ALDH16A1: variants seen among roughly 807,000 people sequenced by gnomAD.
The protein encoded by ALDH16A1 is aldehyde dehydrogenase family 16 member A1.
ALDH16A1 carries 88 observed loss-of-function variants against 96.1 expected under a neutral mutation model. The ratio of observed to expected loss-of-function variants is 0.92; its 90% CI spans 0.77 to 1.09. The LOEUF (loss-of-function observed/expected upper bound fraction) is 1.09. Ranked by LOEUF, ALDH16A1 falls within the 50% of genes least tolerant of loss-of-function variation. The pLI is 0.00. For missense variants in ALDH16A1, 1,250 were observed against 1,112.6 expected (o/e 1.12, Z -1.76); for synonymous variants, 522 against 496.4 (o/e 1.05, Z -0.69).
At position 49,462,699 on chromosome 19, in the gene ALDH16A1, G is replaced by A. The variant is rs10406757; in HGVS notation, c.1042G>A (p.Ala348Thr). 8,995 of 1,607,310 alleles carry A rather than the reference G, an allele frequency of 5.6e-3. 425 individuals are homozygous for A. The African/African-American group carries it at 0.1, about 18-fold the overall frequency. Residue 348 changes from alanine (A) to threonine (T), a missense_variant, in exon 8 of 17, where the codon GCC (alanine) becomes ACC (threonine). Ala to Thr is a moderately conservative substitution (Grantham distance 58). Transcript: ENST00000293350. ...GAVDMGARGAAACDLVQRFVR... is the reference protein window; with the variant it reads ...GAVDMGARGATACDLVQRFVR... Reference sequence around the variant, plus strand: ...CGTGGACATGGGGGCCCGGGGGGCTGCCGCATGTGACCTGGTCCAGCGCTT... The same window carrying A: ...CGTGGACATGGGGGCCCGGGGGGCTACCGCATGTGACCTGGTCCAGCGCTT...
At chr19:49,458,805 C>G (rs1357562817) in intron 2 of ALDH16A1, among the ~76,000 whole-genome samples, 155 bp from the exon 3 acceptor site, 1 of 152,214 alleles carries the variant, frequency 6.6e-6, no homozygotes, top group African/African-American at 2.4e-5. Flanking sequence ...GTTAAAATAG[C>G]TTCCTTGCCC....
Position 49,462,378 on chromosome 19 carries a change from G to A in ALDH16A1, c.913-192G>A, listed in dbSNP as rs143051326. 7.4e-3 allele frequency among the ~76,000 whole-genome samples: 1,130 copies of A among 152,208 alleles called. 11 individuals carry two copies. Among genetic ancestry groups the A allele is most frequent in the African/African-American group, 0.025 (1,058 of 41,524 alleles). ...TCGAACTCCTGACCTCAGGTGATCC[G>A]CCCACCTCGGCCTCCCAAAGTGCTG... is the stretch of plus-strand genomic sequence containing the variant. On this transcript the variant is annotated intron_variant, in intron 7 of 16. Coordinates refer to ENST00000293350, the MANE Select transcript of ALDH16A1 (RefSeq NM_153329.4).
intron 7 of ALDH16A1, 133 bp downstream of exon 7, chr19:49,462,169 G>T: frequency 7.6e-7 from 1 of 1,318,164 alleles, no homozygotes; most frequent in South Asian, 1.7e-5. Flanking sequence ...TTTCACTCTT[G>T]TCGCCCAGGC....
chr19:49,462,101 G>C (rs191108911), intron 7 of ALDH16A1, 65 bp downstream of exon 7: 353 of 1,454,096 alleles, frequency 2.4e-4, no homozygotes, highest in South Asian at 4.0e-4. Flanking sequence ...TCCAGTCTTC[G>C]GGGTCCCGAG....
At chr19:49,462,460 T>G in intron 7 of ALDH16A1, 110 bp from the exon 8 acceptor site, 1 of 1,306,530 alleles carries the variant, frequency 7.7e-7, no homozygotes, top group Non-Finnish European at 1.1e-6. Flanking sequence ...ACTCTGTTGA[T>G]TTATCTGAGT....
intron 4 of ALDH16A1, 46 bp from the exon 5 acceptor site, chr19:49,460,776 A>T: frequency 6.4e-7 from 1 of 1,551,362 alleles, no homozygotes; most frequent in Non-Finnish European, 8.9e-7. Flanking sequence ...GCTGGACTTA[A>T]ACACCTAGCC....
intron 4 of ALDH16A1, among the ~76,000 whole-genome samples, chr19:49,460,379 G>C: frequency 6.7e-6 from 1 of 150,230 alleles, no homozygotes. Context: ...CTGGGACTAC[G>C]ACCATGCACC....
Position 49,453,365 on chromosome 19 carries a change from G to C in ALDH16A1, c.34G>C (p.Glu12Gln). Residue 12 changes from glutamate (E) to glutamine (Q), a missense_variant, in exon 1 of 17, where the codon GAG becomes CAG. Coordinates refer to ENST00000293350, the MANE Select transcript of ALDH16A1 (RefSeq NM_153329.4). ...GACGCGTGCAGGGCCCCGCGCCCGCGAGATCTTCACCTCGCTGGAGTACGG... is the reference window on the plus strand; with the variant it reads ...GACGCGTGCAGGGCCCCGCGCCCGCCAGATCTTCACCTCGCTGGAGTACGG... ...AATRAGPRAREIFTSLEYGPV... is the reference protein window; with the variant it reads ...AATRAGPRARQIFTSLEYGPV... 6.4e-7 allele frequency: 1 copy of C among 1,572,948 alleles called. No homozygotes were observed. Among genetic ancestry groups the C allele is most frequent in the Non-Finnish European group, 8.6e-7 (1 of 1,162,042 alleles).
In ALDH16A1 at chr19:49,453,225, A is replaced by G. The variant is rs1601011051; in HGVS notation, c.-107A>G. 1.2e-6 allele frequency: 1 copy of G among 802,882 alleles called. No individual in the cohort carries two copies. Among genetic ancestry groups the G allele is most frequent in the East Asian group, 2.9e-5 (1 of 33,914 alleles). The allele number at this position is 802,882 out of a possible 1,614,324, so 49.7% of individuals were successfully genotyped here. A position where few individuals can be genotyped will look rare whatever the true frequency, so the allele number is the denominator to read the frequency against. ...CTTGTAGCCCCACCCCATTCCCATT[A>G]GCCCCGCCCCTTTGGGCTGGAACCG... On this transcript the variant is annotated 5_prime_UTR_variant, in exon 1 of 17. Coordinates refer to ENST00000293350, the MANE Select transcript of ALDH16A1 (RefSeq NM_153329.4).
chr19:49,459,175 C>A lies in ALDH16A1; in HGVS notation c.320+89C>A. The A allele has an allele frequency of 6.6e-7, 1 of 1,523,398 alleles. No individual in the cohort carries two copies. Among genetic ancestry groups the A allele is most frequent in the South Asian group, 1.2e-5 (1 of 81,586 alleles). 94.4% of individuals were successfully genotyped at this position (1,523,398 alleles called of 1,614,324 possible). A position where few individuals can be genotyped will look rare whatever the true frequency, so the allele number is the denominator to read the frequency against. ...GAACAAAGGCTATTTCCCAAGATCC[C>A]ACTGAATTAATTTGCAGCTAAGGCT... On this transcript the variant is annotated intron_variant, in intron 3 of 16. Transcript: ENST00000293350. The surrounding 1 kb of genome is among the most constrained non-coding windows in gnomAD (Gnocchi z 4.1).
intron 9 of ALDH16A1, 57 bp from the exon 10 acceptor site, chr19:49,464,070 G>T: frequency 6.3e-7 from 1 of 1,587,988 alleles, no homozygotes; most frequent in Non-Finnish European, 8.6e-7. Flanking sequence ...CCTGCTCTAG[G>T]CTCCTTCCCT....
At chr19:49,461,248 G>A (rs1268518318) in intron 5 of ALDH16A1, among the ~76,000 whole-genome samples, 48 of 53,170 alleles carry the variant, frequency 9.0e-4, no homozygotes, top group Non-Finnish European at 1.2e-3. Context: ...AGGGAGGAGG[G>A]GCTGGGGTCT....
chr19:49,458,709 T>C, intron 2 of ALDH16A1, 121 bp downstream of exon 2: 1 of 1,151,588 alleles, frequency 8.7e-7, no homozygotes. Context: ...TGGTGGGAGA[T>C]GGGCTGCGAT....
Position 49,461,987 on chromosome 19 carries a change from A to C in ALDH16A1, c.863A>C (p.Asp288Ala), listed in dbSNP as rs981267096. 1.3e-6 allele frequency: 2 copies of C among 1,549,698 alleles called. No homozygotes were observed. Among genetic ancestry groups the C allele is most frequent in the Non-Finnish European group, 8.7e-7 (1 of 1,151,140 alleles). Residue 288 changes from aspartate (D) to alanine (A), a missense_variant, in exon 7 of 17, where the codon GAC becomes GCC. Physicochemically the swap from Asp to Ala is moderately radical, Grantham distance 126. Coordinates refer to ENST00000293350, the MANE Select transcript of ALDH16A1 (RefSeq NM_153329.4). Reference protein sequence around the residue: ...LLLLTDTADVDSAVEGVVDAA... With the variant: ...LLLLTDTADVASAVEGVVDAA... ...CTGCTGACGGACACGGCGGACGTAGACTCGGCCGTGGAGGGTGTCGTGGAC... is the reference window on the plus strand; with the variant it reads ...CTGCTGACGGACACGGCGGACGTAGCCTCGGCCGTGGAGGGTGTCGTGGAC...
rs3033555 is a variant in ALDH16A1, at chr19:49,454,031, GT to G, written c.90+621del. ...CCGGTTTGGGTTGGGTTTTTTTTTT[GT>G]TTTTTTTTTTGAGCCAGGGTCTCAC... On this transcript the variant is annotated intron_variant, in intron 1 of 16. Coordinates refer to ENST00000293350, the MANE Select transcript of ALDH16A1 (RefSeq NM_153329.4). 1.5e-5 allele frequency among the ~76,000 whole-genome samples: 2 copies of G among 135,206 alleles called. 1 individual carries two copies. Among genetic ancestry groups the G allele is most frequent in the African/African-American group, 5.5e-5 (2 of 36,380 alleles). 88.7% of individuals were successfully genotyped at this position (135,206 alleles called of 152,430 possible).
In ALDH16A1 at chr19:49,464,433, G is replaced by C. The variant is rs375093482; in HGVS notation, c.1348G>C (p.Val450Leu). The change falls in exon 11 of 17, where the codon GTC becomes CTC. Residue 450 changes from valine (V) to leucine (L), a missense_variant. By Grantham distance (32) the Val-to-Leu change is conservative. Coordinates refer to ENST00000293350, the MANE Select transcript of ALDH16A1 (RefSeq NM_153329.4). ...TCCCCACAGGCTCCAGGTGGGCACT[G>C]TCTGGATCAACGCCCACGGCCTCAG... ...ELGYGLQVGT[V>L]WINAHGLRDP... The C allele has an allele frequency of 1.5e-4, 241 of 1,605,278 alleles. No homozygotes were observed. Among genetic ancestry groups the C allele is most frequent in the Non-Finnish European group, 1.9e-4 (226 of 1,176,454 alleles).
At position 49,464,690 on chromosome 19, in the gene ALDH16A1, A is replaced by C; in HGVS notation, c.1496A>C (p.Lys499Thr). The C allele has an allele frequency of 1.2e-6, 2 of 1,613,540 alleles. No homozygotes were observed. Among genetic ancestry groups the C allele is most frequent in the Non-Finnish European group, 1.7e-6 (2 of 1,179,460 alleles). ...CCTGCCCGGCTGTCCTGCCTCTCCA[A>C]GAACCTGAACTATGACACCTTTGGC... ...GTPARLSCLSKNLNYDTFGLA... is the reference protein window; with the variant it reads ...GTPARLSCLSTNLNYDTFGLA... Residue 499 changes from lysine (K) to threonine (T), a missense_variant, in exon 12 of 17, where the codon AAG becomes ACG. Lys to Thr is a moderately conservative substitution (Grantham distance 78). Coordinates refer to ENST00000293350, the MANE Select transcript of ALDH16A1 (RefSeq NM_153329.4).
At chr19:49,458,040 C>T (rs1333226108) in intron 1 of ALDH16A1, among the ~76,000 whole-genome samples, 1 of 151,996 alleles carries the variant, frequency 6.6e-6, no homozygotes, top group African/African-American at 2.4e-5. Flanking sequence ...ATGGTGAAAC[C>T]CCGTCTCTAC....
rs1240076133 is a variant in ALDH16A1 at position 49,464,148 on chromosome 19, G to C, written c.1216G>C (p.Ala406Pro). ...QVEVPWPVVV[A>P]SPFRTAKEAL... Reference sequence around the variant, plus strand: ...GCAGGTGCCGTGGCCTGTGGTCGTGGCCTCCCCCTTCCGCACAGCCAAGGA... The same window carrying C: ...GCAGGTGCCGTGGCCTGTGGTCGTGCCCTCCCCCTTCCGCACAGCCAAGGA... The change falls in exon 10 of 17, where the codon GCC becomes CCC. Residue 406 changes from alanine to proline, a missense_variant. Physicochemically the swap from Ala to Pro is conservative, Grantham distance 27 (BLOSUM62 -1). Coordinates refer to ENST00000293350, the MANE Select transcript of ALDH16A1 (RefSeq NM_153329.4). 8 of 1,608,514 alleles carry C rather than the reference G, an allele frequency of 5.0e-6. No individual in the cohort carries two copies. The Admixed American group carries it at 6.7e-5, about 13-fold the overall frequency.
Sources: gnomAD v4.1 joint callset for allele counts (sites outside exome capture counted in the v4.1 genomes callset) on GRCh38, gnomAD v4.1.1 for gene constraint, Gnocchi (gnomAD v3.1) non-coding constraint, MANE v1.5 for transcripts, NCBI Gene and HGNC (gene_info 2026-07-23, HGNC 2026-07-21) for gene names.